CLEC4A: variants seen among roughly 807,000 people sequenced by gnomAD.
CLEC4A encodes the protein C-type (calcium dependent, carbohydrate-recognition domain) lectin, superfamily member 6.
CLEC4A carries 27 observed loss-of-function variants against 32.7 expected under a neutral mutation model. The observed-to-expected ratio is 0.83, with a 90% CI of 0.61 to 1.14. CLEC4A has a LOEUF of 1.14. CLEC4A is among the 50% of genes most tolerant of loss of function. The pLI is 0.00. For missense variants in CLEC4A, 253 were observed against 274.6 expected (o/e 0.92, Z 0.55); for synonymous variants, 89 against 93.7 (o/e 0.95, Z 0.29).
At position 8,135,743 on chromosome 12, in the gene CLEC4A, T is replaced by C. The variant is rs1411204035; in HGVS notation, c.450+7T>C. The C allele has an allele frequency of 1.2e-6, 2 of 1,613,482 alleles. No homozygotes were observed. Among genetic ancestry groups the C allele is most frequent in the Non-Finnish European group, 1.7e-6 (2 of 1,179,602 alleles). Reference sequence around the variant, plus strand: ...AAACACTCAAGAAGAGCAGGTACTTTCTAATAGATAATGGGGCTGTGAGCC... The same window carrying C: ...AAACACTCAAGAAGAGCAGGTACTTCCTAATAGATAATGGGGCTGTGAGCC... On this transcript the variant is annotated splice_region_variant and intron_variant, in intron 4 of 5. Transcript: ENST00000229332.
chr12:8,118,814 G>GCA (rs1947809176), upstream of CLEC4A, among the ~76,000 whole-genome samples: 1 of 152,158 alleles, frequency 6.6e-6, no homozygotes, highest in South Asian at 2.1e-4. Context: ...TAAGAGGTGG[G>GCA]CCCTTTTAGA....
the CLEC4A span, among the ~76,000 whole-genome samples, chr12:8,113,559 T>C: frequency 1.1e-4 from 17 of 152,328 alleles, no homozygotes; most frequent in South Asian, 2.7e-3. Context: ...TTTTTGTCCC[T>C]TAGCAGCAGC....
At chr12:8,106,419 T>C in the CLEC4A span, among the ~76,000 whole-genome samples, 2 of 152,232 alleles carry the variant, frequency 1.3e-5, no homozygotes, top group Non-Finnish European at 2.9e-5. Context: ...AAAAAAATTC[T>C]GTGAAGAATG....
At chr12:8,106,281 G>A in the CLEC4A span, among the ~76,000 whole-genome samples, 9 of 152,122 alleles carry the variant, frequency 5.9e-5, no homozygotes, top group East Asian at 1.7e-3. Context: ...TGCTGTTTTG[G>A]TTATTGTAGC....
the CLEC4A span, among the ~76,000 whole-genome samples, chr12:8,116,426 G>A: frequency 6.5e-4 from 99 of 152,240 alleles, no homozygotes; most frequent in African/African-American, 2.3e-3. Context: ...ATTAAGGGCC[G>A]AGTACTGTAT....
At chr12:8,116,782 G>A in the CLEC4A span, among the ~76,000 whole-genome samples, 100 of 152,266 alleles carry the variant, frequency 6.6e-4, no homozygotes, top group African/African-American at 2.3e-3. Flanking sequence ...GGAAATAACC[G>A]GAGGGTGACT....
At chr12:8,123,020 A>G (rs1319775238), upstream of CLEC4A, among the ~76,000 whole-genome samples, 1 of 152,128 alleles carries the variant, frequency 6.6e-6, no homozygotes, top group Admixed American at 6.5e-5. Flanking sequence ...AGTCATATTT[A>G]GTACTTTGTT....
intron 5 of CLEC4A, among the ~76,000 whole-genome samples, chr12:8,137,879 A>G (rs112438013): frequency 1.8e-4 from 28 of 152,342 alleles, no homozygotes; most frequent in African/African-American, 6.7e-4. Context: ...ATGGACAAAT[A>G]GAAGAGAACC....
intron 4 of CLEC4A, among the ~76,000 whole-genome samples, chr12:8,136,437 C>A (rs1460739084): frequency 6.6e-6 from 1 of 151,986 alleles, no homozygotes; most frequent in Non-Finnish European, 1.5e-5. Flanking sequence ...TGGTGGCACA[C>A]ACCTGTAGTC....
rs1209958970 is a variant in CLEC4A, at chr12:8,135,682, G to C, written c.396G>C (p.Lys132Asn). 6.2e-7 allele frequency: 1 copy of C among 1,614,166 alleles called. No homozygotes were observed. Residue 132 changes from lysine to asparagine, a missense_variant, in exon 4 of 6, where the codon AAG (lysine) becomes AAC (asparagine). By Grantham distance (94) the Lys-to-Asn change is moderately conservative. Transcript: ENST00000229332. ...TESASWQDSE[K>N]DCARMEAHLL... is the part of the protein sequence containing the mutation. ...CAGCATCTTGGCAAGACAGTGAGAA[G>C]GACTGTGCTAGAATGGAGGCTCACC...
intron 2 of CLEC4A, among the ~76,000 whole-genome samples, chr12:8,127,860 A>G (rs1411305320): frequency 6.6e-6 from 1 of 152,226 alleles, no homozygotes; most frequent in African/African-American, 2.4e-5. Context: ...TCAAAGAGGT[A>G]GACAATATAG....
upstream of CLEC4A, among the ~76,000 whole-genome samples, chr12:8,119,411 A>G (rs1271998589): frequency 6.6e-6 from 1 of 152,264 alleles, no homozygotes; most frequent in South Asian, 2.1e-4. Flanking sequence ...TTTAGTAGTG[A>G]TGGGGTTTCA....
chr12:8,129,343 A>C lies in CLEC4A; in HGVS notation c.279A>C (p.Lys93Asn). Residue 93 changes from lysine (K) to asparagine (N), a missense_variant, in exon 3 of 6, where the codon AAA becomes AAC. Coordinates refer to ENST00000229332, the MANE Select transcript of CLEC4A (RefSeq NM_016184.4). ...ELVHTTLECV[K>N]KNMPVEETAW... ...TTCATACAACATTGGAGTGTGTGAA[A>C]AAAAATATGCCCGTGGAAGGTAAAA... 6.2e-7 allele frequency: 1 copy of C among 1,609,084 alleles called. No homozygotes were observed. The highest frequency in any genetic ancestry group is 8.5e-7 in the Non-Finnish European group (1 of 1,177,188).
rs758185932 is a variant in CLEC4A at position 8,125,625 on chromosome 12, A to G, written c.147A>G (p.Ser49=). The G allele has an allele frequency of 6.2e-7, 1 of 1,613,386 alleles. No individual in the cohort carries two copies. Among genetic ancestry groups the G allele is most frequent in the African/African-American group, 1.3e-5 (1 of 74,902 alleles). Residue 49 remains serine (S), a synonymous_variant, in exon 2 of 6, where the codon TCA becomes TCG. Transcript: ENST00000229332. ...NTGFPKLLCA[S]LLIFFLLLAI... ...GATTCCCCAAGCTGCTTTGTGCCTC[A>G]CTGTTGATATTTTTCCTGCTATTGG...
chr12:8,103,456 G>A, the CLEC4A span, among the ~76,000 whole-genome samples: 3 of 131,936 alleles, frequency 2.3e-5, no homozygotes, highest in South Asian at 2.6e-4. Context: ...GCATGATCTC[G>A]GCTCACTGCA....
chr12:8,135,990 TG>T (rs1189217774), intron 4 of CLEC4A, among the ~76,000 whole-genome samples: 6 of 152,250 alleles, frequency 3.9e-5, no homozygotes, highest in Admixed American at 1.3e-4. Flanking sequence ...TGTTTCAGTC[TG>T]AAATATCAAT....
chr12:8,121,127 T>C (rs1323741633), upstream of CLEC4A: 2 of 152,244 alleles, frequency 1.3e-5, no homozygotes, highest in African/African-American at 2.4e-5. Context: ...AATACATGTT[T>C]GTTGTTGTAA....
intron 3 of CLEC4A, chr12:8,134,454 G>A: frequency 6.2e-7 from 1 of 1,613,886 alleles, no homozygotes; most frequent in Non-Finnish European, 8.5e-7. Context: ...GGACTCCTCC[G>A]GGTTTTGCTC....
intron 5 of CLEC4A, 101 bp from the exon 6 acceptor site, chr12:8,138,039 C>A: frequency 7.6e-7 from 1 of 1,308,724 alleles, no homozygotes; most frequent in Non-Finnish European, 1.0e-6. Flanking sequence ...CATATCTGAC[C>A]CTATGTTCCA....
Sources: allele counts gnomAD v4.1 joint callset (sites outside exome capture counted in the v4.1 genomes callset), GRCh38; gene constraint gnomAD v4.1.1; transcripts MANE v1.5; gene names NCBI Gene and HGNC (gene_info 2026-07-23, HGNC 2026-07-21).